The following STXBP5 variants were observed in gnomAD, a reference collection of about 807,000 sequenced individuals.
STXBP5 encodes syntaxin-binding protein 5.
In STXBP5, 50 loss-of-function variants were observed where a neutral mutation model predicts 152.4. The observed-to-expected ratio is 0.33, with a 90% confidence interval of 0.26 to 0.42. The LOEUF (loss-of-function observed/expected upper bound fraction) is 0.42. STXBP5 is among the 10% of genes least tolerant of loss of function. STXBP5 has a pLI of 1.00. For synonymous variants in STXBP5, 492 were observed against 494.7 expected, an observed-to-expected ratio of 0.99 and a Z score of 0.07; for missense variants, 1,167 against 1,388.6, an observed-to-expected ratio of 0.84 and a Z score of 2.54.
At chr6:147,289,916 C>T (rs1332336070) in intron 8 of STXBP5, among the ~76,000 whole-genome samples, 1 of 152,162 alleles carries the variant, frequency 6.6e-6, no homozygotes, top group Admixed American at 6.5e-5. Context: ...TGTTCGCTTT[C>T]CTGGCCGGGT....
At chr6:147,272,270 T>C (rs1003407945) in intron 7 of STXBP5, among the ~76,000 whole-genome samples, 1 of 152,114 alleles carries the variant, frequency 6.6e-6, no homozygotes, top group Non-Finnish European at 1.5e-5. Flanking sequence ...CATTACCCTT[T>C]AACAAAACTG....
At chr6:147,376,864 A>G (rs1169563058) in intron 26 of STXBP5, among the ~76,000 whole-genome samples, 1 of 152,144 alleles carries the variant, frequency 6.6e-6, no homozygotes, top group Non-Finnish European at 1.5e-5. Flanking sequence ...TTTATAGGGG[A>G]CATATATAAA....
chr6:147,211,097 G>A (rs1434644892), intron 2 of STXBP5, among the ~76,000 whole-genome samples: 1 of 152,090 alleles, frequency 6.6e-6, no homozygotes, highest in Non-Finnish European at 1.5e-5. Flanking sequence ...CGGTCATGAG[G>A]TCAGGAGTTT....
chr6:147,210,201 A>C (rs1243042217), intron 2 of STXBP5, among the ~76,000 whole-genome samples: 3 of 152,182 alleles, frequency 2.0e-5, no homozygotes, highest in Admixed American at 6.5e-5. Flanking sequence ...GGAGTAACTA[A>C]AGATGATAAG....
chr6:147,314,392 C>G (rs1782537269), intron 13 of STXBP5, 61 bp downstream of exon 13: 1 of 1,460,022 alleles, frequency 6.8e-7, no homozygotes, highest in East Asian at 2.3e-5. Flanking sequence ...TTGATTGAGA[C>G]TACATGAATG....
intron 21 of STXBP5, among the ~76,000 whole-genome samples, chr6:147,341,664 TGTGTGTGTGG>T (rs975311884): frequency 1.2e-4 from 18 of 151,962 alleles, no homozygotes; most frequent in African/African-American, 3.6e-4. Context: ...GGTGTCAGTT[TGTGTGTGTGG>T]GTGTGTGTGG....
intron 8 of STXBP5, among the ~76,000 whole-genome samples, chr6:147,285,576 A>G (rs983228730): frequency 1.3e-5 from 2 of 152,072 alleles, no homozygotes; most frequent in African/African-American, 4.8e-5. Flanking sequence ...AAACTACTCT[A>G]TTAACATCCT....
chr6:147,288,689 T>G (rs1781119959), intron 8 of STXBP5, among the ~76,000 whole-genome samples: 2 of 152,090 alleles, frequency 1.3e-5, no homozygotes, highest in African/African-American at 2.4e-5. Context: ...AATTCTTGCC[T>G]CCTCAGAAGA....
chr6:147,229,784 A>G (rs1489772457), intron 2 of STXBP5, among the ~76,000 whole-genome samples: 1 of 151,856 alleles, frequency 6.6e-6, no homozygotes, highest in East Asian at 1.9e-4. Context: ...TTTTCTATAT[A>G]TGAGATTATG....
chr6:147,297,761 G>T (rs1781600764), intron 9 of STXBP5, among the ~76,000 whole-genome samples: 1 of 151,996 alleles, frequency 6.6e-6, no homozygotes, highest in Non-Finnish European at 1.5e-5. Flanking sequence ...TTTTTATGCA[G>T]CTAAAGTTAA....
At chr6:147,372,361 CAGAGTAT>C (rs1361016336) in intron 25 of STXBP5, among the ~76,000 whole-genome samples, 1 of 138,758 alleles carries the variant, frequency 7.2e-6, no homozygotes, top group Non-Finnish European at 1.5e-5. Context: ...GTAGTAATAC[CAGAGTAT>C]AGCAGAACTC....
chr6:147,234,835 C>T (rs1778188760), intron 2 of STXBP5, among the ~76,000 whole-genome samples: 1 of 151,918 alleles, frequency 6.6e-6, no homozygotes, highest in Admixed American at 6.6e-5. Context: ...TTCCTAAAAG[C>T]AACATTCCAA....
chr6:147,350,807 C>T (rs906764139), intron 21 of STXBP5, among the ~76,000 whole-genome samples: 1 of 152,004 alleles, frequency 6.6e-6, no homozygotes, highest in African/African-American at 2.4e-5. Context: ...ATACTATGTG[C>T]CAGGTATTAT....
chr6:147,387,598 T>A lies in STXBP5; in HGVS notation c.*2843T>A, dbSNP rs1562283665. 1 of 151,854 alleles carries A rather than the reference T, an allele frequency of 6.6e-6. No individual in the cohort carries two copies. The highest frequency in any genetic ancestry group is 1.5e-5 in the Non-Finnish European group (1 of 67,798). The allele number at this position is 151,854 out of a possible 1,614,324, so 9.4% of individuals were successfully genotyped here. A position where few individuals can be genotyped will look rare whatever the true frequency, so the allele number is the denominator to read the frequency against. ...CATCCATTTGAAGTTTTGCATCATC[T>A]TAACACTTTTGCTTTGCATTTCAAT... On this transcript the variant is annotated 3_prime_UTR_variant, in exon 28 of 28. Coordinates refer to ENST00000321680, the MANE Select transcript of STXBP5 (RefSeq NM_001127715.4).
At chr6:147,337,214 C>CACACACACACACACACACACACACAAAA (rs150169446) in intron 19 of STXBP5, among the ~76,000 whole-genome samples, 1 of 147,270 alleles carries the variant, frequency 6.8e-6, no homozygotes, top group Non-Finnish European at 1.5e-5. Context: ...CACACACACA[C>CACACACACACACACACACACACACAAAA]AAGAAGTCAT....
chr6:147,310,333 A>G (rs1461091676), intron 10 of STXBP5, 95 bp downstream of exon 10: 2 of 977,748 alleles, frequency 2.0e-6, no homozygotes, highest in East Asian at 3.2e-5. Context: ...TACTCATCCT[A>G]TTGTGCTAAT....
chr6:147,259,125 T>A (rs1454953806), intron 4 of STXBP5, among the ~76,000 whole-genome samples: 1 of 152,184 alleles, frequency 6.6e-6, no homozygotes, highest in East Asian at 1.9e-4. Flanking sequence ...TTTAAAAAAA[T>A]ATATGAGTCA....
intron 8 of STXBP5, among the ~76,000 whole-genome samples, chr6:147,284,962 G>A (rs1158155486): frequency 6.6e-6 from 1 of 152,156 alleles, no homozygotes; most frequent in Non-Finnish European, 1.5e-5. Context: ...GGCTAATTAG[G>A]AAGCTTTGCA....
chr6:147,365,489 A>G lies in STXBP5; in HGVS notation c.3081+1323A>G, dbSNP rs548630798. 4.6e-5 allele frequency among the ~76,000 whole-genome samples: 7 copies of G among 152,308 alleles called. No homozygotes were observed. In the East Asian group the frequency reaches 1.3e-3, roughly 29 times the overall value. On this transcript the variant is annotated intron_variant, in intron 25 of 27. Coordinates refer to ENST00000321680, the MANE Select transcript of STXBP5 (RefSeq NM_001127715.4). ...CACTTTTCTGGGATCAATTTATTCT[A>G]TCCTTTAGTTGGTGTTTTCTTTAAT... is the stretch of plus-strand genomic sequence containing the variant.
Sources: allele counts gnomAD v4.1 joint callset (sites outside exome capture counted in the v4.1 genomes callset), GRCh38; gene constraint gnomAD v4.1.1; transcripts MANE v1.5; gene names NCBI Gene and HGNC (gene_info 2026-07-23, HGNC 2026-07-21).